The following ARHGEF10L variants were observed in gnomAD, a reference collection of about 807,000 sequenced individuals.
ARHGEF10L encodes rho guanine nucleotide exchange factor 10-like protein.
A neutral mutation model predicts 141.2 loss-of-function variants in ARHGEF10L; 69 were observed. That is an observed-to-expected ratio of 0.49 (90% confidence interval 0.40 to 0.60). ARHGEF10L has a LOEUF of 0.60. Among genes scored for constraint, ARHGEF10L ranks in the 20% least tolerant of loss-of-function variants. The pLI, the probability that ARHGEF10L is intolerant of heterozygous loss-of-function variation, is 0.00. For synonymous variants in ARHGEF10L, 711 were observed against 718.5 expected (o/e 0.99, Z 0.17); for missense variants, 1,482 against 1,734.3 (o/e 0.85, Z 2.58).
rs1571210259 is a variant in ARHGEF10L, at chr1:17,644,416, T to A, written c.2272+4114T>A. Among the ~76,000 whole-genome samples, 1 of 152,102 alleles carries A rather than the reference T, an allele frequency of 6.6e-6. No homozygotes were observed. The highest frequency in any genetic ancestry group is 6.5e-5 in the Admixed American group (1 of 15,286). On this transcript the variant is annotated intron_variant, in intron 21 of 28. Transcript: ENST00000361221. The surrounding 1 kb of genome is among the most constrained non-coding windows in gnomAD (Gnocchi z 4.5). ...ACACCCTGCAGCTGGAAGGGATGGG[T>A]CTCCTCTCCAGGAGTAGGGCCGAGG... is the stretch of plus-strand genomic sequence containing the variant.
At chr1:17,638,476 G>T in intron 19 of ARHGEF10L, 86 bp from the exon 20 acceptor site, 1 of 1,568,936 alleles carries the variant, frequency 6.4e-7, no homozygotes. Context: ...TCTTCCTCTG[G>T]GGTGCTGTGA....
At chr1:17,648,767 G>A in intron 22 of ARHGEF10L, 92 bp downstream of exon 22, 1 of 1,510,906 alleles carries the variant, frequency 6.6e-7, no homozygotes, top group Admixed American at 1.9e-5. Context: ...AGCGCCCACA[G>A]CAGGGAAGGC....
intron 26 of ARHGEF10L, among the ~76,000 whole-genome samples, chr1:17,670,519 T>C (rs979039852): frequency 1.3e-5 from 2 of 152,172 alleles, no homozygotes; most frequent in Non-Finnish European, 2.9e-5. Context: ...TGCATCTTAA[T>C]TTAAAAAAAC....
At chr1:17,520,126 C>A in the ARHGEF10L span, among the ~76,000 whole-genome samples, 1 of 152,212 alleles carries the variant, frequency 6.6e-6, no homozygotes, top group Admixed American at 6.5e-5. Flanking sequence ...CCCCTCCCTT[C>A]CTCACCCAGG....
intron 9 of ARHGEF10L, among the ~76,000 whole-genome samples, chr1:17,616,860 C>T (rs1469023052): frequency 6.6e-6 from 1 of 152,122 alleles, no homozygotes; most frequent in African/African-American, 2.4e-5. Flanking sequence ...TGTGCAGAGC[C>T]CCGGATGTGG....
Position 17,615,966 on chromosome 1 carries a change from C to A in ARHGEF10L, c.727-128C>A. ...CACTGTCGTCCTTGGCCTTTGCTCACGGACCTGGGAGGGAAGGGTCTGGGT... is the reference window on the plus strand; with the variant it reads ...CACTGTCGTCCTTGGCCTTTGCTCAAGGACCTGGGAGGGAAGGGTCTGGGT... On this transcript the variant is annotated intron_variant, in intron 8 of 28. Coordinates refer to ENST00000361221, the MANE Select transcript of ARHGEF10L (RefSeq NM_018125.4). The surrounding 1 kb of genome is among the most constrained non-coding windows in gnomAD (Gnocchi z 4.7). The A allele has an allele frequency of 1.4e-6, 1 of 738,294 alleles. No individual in the cohort carries two copies. Among genetic ancestry groups the A allele is most frequent in the Non-Finnish European group, 2.4e-6 (1 of 421,762 alleles). 45.7% of individuals were successfully genotyped at this position (738,294 alleles called of 1,614,324 possible).
intron 1 of ARHGEF10L, among the ~76,000 whole-genome samples, chr1:17,544,280 A>G (rs1334073957): frequency 3.4e-5 from 5 of 147,522 alleles, no homozygotes; most frequent in East Asian, 3.9e-4. Flanking sequence ...ATATGTGTGT[A>G]TATATATATA....
intron 26 of ARHGEF10L, among the ~76,000 whole-genome samples, chr1:17,669,435 A>G (rs1004595540): frequency 2.2e-4 from 34 of 152,218 alleles, no homozygotes; most frequent in Admixed American, 4.6e-4. Flanking sequence ...TCACGCTTTG[A>G]GATGAATACG....
chr1:17,612,788 T>G (rs943270274), intron 7 of ARHGEF10L, among the ~76,000 whole-genome samples: 2 of 152,116 alleles, frequency 1.3e-5, no homozygotes, highest in African/African-American at 4.8e-5. Context: ...CCCTCCCGCC[T>G]CTCCGCCCCA....
chr1:17,664,539 T>C lies in ARHGEF10L; in HGVS notation c.2953T>C (p.Trp985Arg). 6.2e-7 allele frequency: 1 copy of C among 1,608,236 alleles called. No homozygotes were observed. The highest frequency in any genetic ancestry group is 8.5e-7 in the Non-Finnish European group (1 of 1,179,326). Residue 985 changes from tryptophan (W) to arginine (R), a missense_variant, in exon 26 of 29, where the codon TGG (tryptophan) becomes CGG (arginine). Physicochemically the swap from Trp to Arg is moderately radical, Grantham distance 101. This residue lies in a region of ARHGEF10L where 858 missense variants were observed against 966.3 expected (regional missense o/e 0.89). Transcript: ENST00000361221. ...RTLLSLEDAV[W>R]ASCGPRVTVL... is the part of the protein sequence containing the mutation. ...CCTGTTGAGCCTGGAGGATGCCGTG[T>C]GGGCCAGCTGTGGGCCCCGGGTCAC...
chr1:17,561,972 C>T (rs1217573202), intron 1 of ARHGEF10L, among the ~76,000 whole-genome samples: 2 of 152,224 alleles, frequency 1.3e-5, no homozygotes, highest in Admixed American at 6.5e-5. Flanking sequence ...TGACCTACTC[C>T]CTAGCTATGT....
intron 2 of ARHGEF10L, among the ~76,000 whole-genome samples, chr1:17,585,215 C>A (rs534588856): frequency 6.6e-6 from 1 of 152,288 alleles, no homozygotes; most frequent in East Asian, 1.9e-4. Flanking sequence ...CCCACCCAAG[C>A]CCTTTCTGTC....
intron 9 of ARHGEF10L, among the ~76,000 whole-genome samples, chr1:17,616,490 C>T (rs920049165): frequency 1.3e-4 from 20 of 152,220 alleles, no homozygotes; most frequent in Non-Finnish European, 2.1e-4. Flanking sequence ...CTGCCCCCTG[C>T]GCTGTCTGGC....
intron 4 of ARHGEF10L, among the ~76,000 whole-genome samples, chr1:17,589,215 C>T (rs2100687874): frequency 6.6e-6 from 1 of 152,242 alleles, no homozygotes; most frequent in East Asian, 1.9e-4. Context: ...GTGGTAGGTG[C>T]CTAATCAAGG....
chr1:17,564,268 G>A (rs1157825822), intron 1 of ARHGEF10L, among the ~76,000 whole-genome samples: 1 of 152,202 alleles, frequency 6.6e-6, no homozygotes, highest in African/African-American at 2.4e-5. Context: ...CAGCCCCCAG[G>A]TGGTTCTGGA....
At chr1:17,658,423 C>G (rs1410397125) in intron 25 of ARHGEF10L, among the ~76,000 whole-genome samples, 1 of 152,094 alleles carries the variant, frequency 6.6e-6, no homozygotes, top group African/African-American at 2.4e-5. Context: ...GAACCCCACG[C>G]CCTCATTTTC....
intron 1 of ARHGEF10L, among the ~76,000 whole-genome samples, chr1:17,548,613 C>T (rs900075964): frequency 5.4e-5 from 8 of 148,446 alleles, no homozygotes; most frequent in African/African-American, 2.0e-4. Context: ...CCTGTATTGG[C>T]TGCTGCTCAA....
chr1:17,598,302 A>C lies in ARHGEF10L; in HGVS notation c.258-3825A>C, dbSNP rs561677275. 3.4e-4 allele frequency among the ~76,000 whole-genome samples: 52 copies of C among 152,248 alleles called. 1 individual carries two copies. Among genetic ancestry groups the C allele is most frequent in the African/African-American group, 1.2e-3 (50 of 41,532 alleles). ...TTTTTGGTAGAGACAGAGTTTCACC[A>C]TATTGGCCAGGCTGGTCTCAAACTC... On this transcript the variant is annotated intron_variant, in intron 4 of 28. Transcript: ENST00000361221.
intron 1 of ARHGEF10L, among the ~76,000 whole-genome samples, chr1:17,576,238 C>T (rs1010908150): frequency 1.3e-5 from 2 of 152,018 alleles, no homozygotes; most frequent in African/African-American, 4.8e-5. Flanking sequence ...CCTAGTGGGG[C>T]CTCTGGGCAG....
Sources: allele counts gnomAD v4.1 joint callset (sites outside exome capture counted in the v4.1 genomes callset), GRCh38; gene constraint gnomAD v4.1.1; regional missense constraint gnomAD v4.1.1; non-coding constraint Gnocchi (gnomAD v3.1); transcripts MANE v1.5; gene names NCBI Gene and HGNC (gene_info 2026-07-23, HGNC 2026-07-21).